Variants in ARHGAP26 observed in about 807,000 individuals in gnomAD.
ARHGAP26 encodes the protein rho GTPase-activating protein 26.
A neutral mutation model predicts 104.8 loss-of-function variants in ARHGAP26; 38 were observed. The ratio of observed to expected loss-of-function variants is 0.36; its 90% CI spans 0.28 to 0.48. The LOEUF is 0.48. Among genes scored for constraint, ARHGAP26 ranks in the 20% least tolerant of loss-of-function variants. ARHGAP26 has a pLI of 0.99. For synonymous variants in ARHGAP26, 341 were observed against 340.0 expected, an observed-to-expected ratio of 1.00 and a Z score of -0.03; for missense variants, 704 against 947.9, an observed-to-expected ratio of 0.74 and a Z score of 3.38.
chr5:142,861,440 T>G (rs1189542840), intron 1 of ARHGAP26, among the ~76,000 whole-genome samples: 1 of 151,970 alleles, frequency 6.6e-6, no homozygotes, highest in East Asian at 1.9e-4. Context: ...TTTATTCTGA[T>G]GCTTAGGAGT....
Position 142,770,712 on chromosome 5 carries a change from G to T in ARHGAP26, c.-50G>T. 2 of 1,127,478 alleles carry T rather than the reference G, an allele frequency of 1.8e-6. No individual in the cohort carries two copies. Among genetic ancestry groups the T allele is most frequent in the Non-Finnish European group, 2.2e-6 (2 of 916,452 alleles). The allele number at this position is 1,127,478 out of a possible 1,614,324, so 69.8% of individuals were successfully genotyped here. A position where few individuals can be genotyped will look rare whatever the true frequency, so the allele number is the denominator to read the frequency against. ...CGCGTGAGTGCTCTGGGCGGCGGGC[G>T]GCCCGGGCCCCGGCGGAGGCGCGCC... On this transcript the variant is annotated 5_prime_UTR_variant, in exon 1 of 23. Transcript: ENST00000645722.
At chr5:142,879,577 C>A in intron 4 of ARHGAP26, 132 bp downstream of exon 4, 1 of 822,022 alleles carries the variant, frequency 1.2e-6, no homozygotes, top group Non-Finnish European at 1.9e-6. Flanking sequence ...AAATCTTAGG[C>A]AGAAAACTCT....
chr5:143,052,780 GA>G (rs1481994694), intron 14 of ARHGAP26, among the ~76,000 whole-genome samples: 5 of 152,142 alleles, frequency 3.3e-5, no homozygotes, highest in Non-Finnish European at 5.9e-5. Context: ...TCTTTCCCAG[GA>G]AATAGAAAAT....
At chr5:143,198,225 A>G (rs771859540) in intron 20 of ARHGAP26, among the ~76,000 whole-genome samples, 1 of 152,244 alleles carries the variant, frequency 6.6e-6, no homozygotes, top group Non-Finnish European at 1.5e-5. Context: ...TAAGAGTTAT[A>G]TGCCTAGTAA....
In ARHGAP26 at chr5:143,110,483, AAGGTAGT is replaced by A. The variant is rs146315141; in HGVS notation, c.1539-10500_1539-10494del. ...TTGACTTTGGGACAATGTTAGCTTAAAGGTAGTAGGTTGTGTGGTTGAAGGAAATGTC... is the reference window on the plus strand; with the variant it reads ...TTGACTTTGGGACAATGTTAGCTTAAAGGTTGTGTGGTTGAAGGAAATGTC... On this transcript the variant is annotated intron_variant, in intron 17 of 22. Transcript: ENST00000645722. Among the ~76,000 whole-genome samples, 1,279 of 152,302 alleles carry A rather than the reference AAGGTAGT, an allele frequency of 8.4e-3. 16 individuals carry two copies. The highest frequency in any genetic ancestry group is 0.029 in the African/African-American group (1,195 of 41,560).
chr5:143,022,472 A>C (rs1780491314), intron 12 of ARHGAP26, among the ~76,000 whole-genome samples: 2 of 152,102 alleles, frequency 1.3e-5, no homozygotes, highest in Admixed American at 6.6e-5. Context: ...GGAGTATTCA[A>C]CTCCGCTATG....
intron 11 of ARHGAP26, among the ~76,000 whole-genome samples, chr5:142,989,007 C>G (rs536385922): frequency 9.9e-5 from 15 of 152,278 alleles, no homozygotes; most frequent in African/African-American, 3.6e-4. Context: ...TCTTTTAGGT[C>G]TGCTTGGTGC....
intron 1 of ARHGAP26, among the ~76,000 whole-genome samples, chr5:142,779,895 T>C (rs1048331359): frequency 3.9e-5 from 6 of 152,250 alleles, no homozygotes; most frequent in Non-Finnish European, 8.8e-5. Flanking sequence ...AAGGCATTTT[T>C]ACTTTAACTC....
At chr5:143,046,059 G>A (rs982195732) in intron 14 of ARHGAP26, among the ~76,000 whole-genome samples, 37 of 152,154 alleles carry the variant, frequency 2.4e-4, no homozygotes, top group African/African-American at 6.3e-4. Flanking sequence ...GCTTGAACCC[G>A]GGAGGCGGAG....
intron 1 of ARHGAP26, among the ~76,000 whole-genome samples, chr5:142,833,220 A>ATTT (rs779035161): frequency 1.5e-5 from 2 of 133,466 alleles, no homozygotes; most frequent in Non-Finnish European, 1.6e-5. Context: ...CACCCGGCTA[A>ATTT]TTTTTTTTTT....
chr5:142,987,910 G>A (rs541637326), intron 11 of ARHGAP26, among the ~76,000 whole-genome samples: 1 of 152,298 alleles, frequency 6.6e-6, no homozygotes, highest in East Asian at 1.9e-4. Flanking sequence ...GTATTTTATT[G>A]AGGATTTTAG....
intron 6 of ARHGAP26, among the ~76,000 whole-genome samples, chr5:142,900,937 G>T (rs919376067): frequency 1.3e-5 from 2 of 152,156 alleles, no homozygotes; most frequent in East Asian, 3.8e-4. Flanking sequence ...CCATGGAGCT[G>T]TGCTTTGTGA....
chr5:142,828,887 C>G (rs1230873252), intron 1 of ARHGAP26, among the ~76,000 whole-genome samples: 1 of 152,152 alleles, frequency 6.6e-6, no homozygotes, highest in Non-Finnish European at 1.5e-5. Context: ...ACACCAGGTC[C>G]CCGCCTTCCT....
intron 11 of ARHGAP26, among the ~76,000 whole-genome samples, chr5:142,950,919 G>T (rs1451864040): frequency 6.6e-6 from 1 of 152,164 alleles, no homozygotes; most frequent in Non-Finnish European, 1.5e-5. Flanking sequence ...TTCTAGGTTG[G>T]TAGATCTTTG....
chr5:143,039,989 T>C (rs1240694814), intron 13 of ARHGAP26, among the ~76,000 whole-genome samples: 1 of 152,234 alleles, frequency 6.6e-6, no homozygotes, highest in African/African-American at 2.4e-5. Context: ...TATCTCCCGA[T>C]TGCAGTGTGT....
At chr5:142,923,954 C>G (rs1438184805) in intron 10 of ARHGAP26, among the ~76,000 whole-genome samples, 1 of 151,338 alleles carries the variant, frequency 6.6e-6, no homozygotes, top group African/African-American at 2.4e-5. Flanking sequence ...CTCCGCCCCC[C>G]GGGTTCGTGC....
intron 14 of ARHGAP26, among the ~76,000 whole-genome samples, chr5:143,043,482 A>G (rs143409293): frequency 1.5e-4 from 23 of 152,326 alleles, no homozygotes; most frequent in African/African-American, 5.5e-4. Context: ...AGTTTGGGGC[A>G]ATTATGATAA....
At chr5:142,979,241 G>A (rs1773576397) in intron 11 of ARHGAP26, among the ~76,000 whole-genome samples, 1 of 152,166 alleles carries the variant, frequency 6.6e-6, no homozygotes, top group African/African-American at 2.4e-5. Context: ...TCTACTTTCT[G>A]CCTCCTTAAT....
chr5:143,213,572 T>G (rs79533287), intron 21 of ARHGAP26, among the ~76,000 whole-genome samples: 185 of 152,306 alleles, frequency 1.2e-3, no homozygotes, highest in Middle Eastern at 6.8e-3. Context: ...TTTGACTCAC[T>G]GAGCATTGCC....
Sources: gnomAD v4.1 joint callset for allele counts (sites outside exome capture counted in the v4.1 genomes callset) on GRCh38, gnomAD v4.1.1 for gene constraint, MANE v1.5 for transcripts, NCBI Gene and HGNC (gene_info 2026-07-23, HGNC 2026-07-21) for gene names.